APC: variants seen among roughly 807,000 people sequenced by gnomAD.
APC encodes APC regulator of Wnt signaling pathway.
Under a neutral mutation model 247.0 loss-of-function variants are expected in APC, and 72 were observed. That is an observed-to-expected ratio of 0.29 (90% confidence interval 0.24 to 0.35). APC has a LOEUF of 0.35. Ranked by LOEUF, APC falls within the 10% of genes least tolerant of loss-of-function variation. The pLI, the probability that APC is intolerant of heterozygous loss-of-function variation, is 1.00. For synonymous variants in APC, 1,254 were observed against 1,162.5 expected, an observed-to-expected ratio of 1.08 and a Z score of -1.60; for missense variants, 3,400 against 3,360.7, an observed-to-expected ratio of 1.01 and a Z score of -0.29.
At position 112,840,998 on chromosome 5, in the gene APC, G is replaced by A. The variant is rs756465306; in HGVS notation, c.5404G>A (p.Glu1802Lys). The A allele has an allele frequency of 1.9e-6, 3 of 1,612,042 alleles. No individual in the cohort carries two copies. The South Asian group carries it at 3.3e-5, about 18-fold the overall frequency. ...AGACTCAAAAAATAATTTAAATGCT[G>A]AGAGAGTTTTCTCAGACAACAAAGA... is the stretch of plus-strand genomic sequence containing the variant. ...NADSKNNLNAERVFSDNKDSK... is the reference protein window; with the variant it reads ...NADSKNNLNAKRVFSDNKDSK... The change falls in exon 16 of 16, where the codon GAG (glutamate) becomes AAG (lysine). Residue 1802 changes from glutamate to lysine, a missense_variant. Glu to Lys is a moderately conservative substitution (Grantham distance 56). Transcript: ENST00000257430. This position sits in a 1 kb window ranked among gnomAD's most constrained non-coding sequence, Gnocchi z 4.1.
intron 1 of APC, among the ~76,000 whole-genome samples, chr5:112,721,964 C>T: frequency 6.6e-6 from 1 of 152,084 alleles, no homozygotes; most frequent in East Asian, 1.9e-4. Context: ...CATCCTGGGC[C>T]ATGCAGCCCT....
rs1323895063 is a variant in APC, at chr5:112,838,433, T to C, written c.2839T>C (p.Cys947Arg). ...TAAGTCGGAAAATTCAAATAGGACA[T>C]GTTCTATGCCTTATGCCAAATTAGA... ...FTKSENSNRT[C>R]SMPYAKLEYK... Residue 947 changes from cysteine (C) to arginine (R), a missense_variant, in exon 16 of 16, where the codon TGT becomes CGT. Physicochemically the swap from Cys to Arg is radical, Grantham distance 180. Transcript: ENST00000257430. 1 of 1,614,104 alleles carries C rather than the reference T, an allele frequency of 6.2e-7. No individual in the cohort carries two copies. The highest frequency in any genetic ancestry group is 8.5e-7 in the Non-Finnish European group (1 of 1,180,046).
chr5:112,771,640 C>T (rs898176231), intron 4 of APC, among the ~76,000 whole-genome samples: 2 of 152,054 alleles, frequency 1.3e-5, no homozygotes, highest in African/African-American at 4.8e-5. Flanking sequence ...GCCATTTTTC[C>T]TCTTTGGAAG....
intron 8 of APC, among the ~76,000 whole-genome samples, chr5:112,811,493 CT>C (rs1761979458): frequency 6.6e-6 from 1 of 152,144 alleles, no homozygotes; most frequent in Non-Finnish European, 1.5e-5. Flanking sequence ...AAGTTCTAGG[CT>C]CATAGAGAAT....
In APC at chr5:112,801,313, A is replaced by C; in HGVS notation, c.764A>C (p.His255Pro). ...SSQNKHETGS[H>P]DAERQNEGQG... ...CAGAACAAGCATGAAACCGGCTCACATGATGCTGAGCGGCAGAATGAAGGT... is the reference window on the plus strand; with the variant it reads ...CAGAACAAGCATGAAACCGGCTCACCTGATGCTGAGCGGCAGAATGAAGGT... The change falls in exon 8 of 16, where the codon CAT becomes CCT. Residue 255 changes from histidine (H) to proline (P), a missense_variant. Coordinates refer to ENST00000257430, the MANE Select transcript of APC (RefSeq NM_000038.6). 6.2e-7 allele frequency: 1 copy of C among 1,613,100 alleles called. No homozygotes were observed. The highest frequency in any genetic ancestry group is 8.5e-7 in the Non-Finnish European group (1 of 1,179,262).
rs1554086499 is a variant in APC at position 112,840,775 on chromosome 5, C to T, written c.5181C>T (p.Cys1727=). 4 of 1,613,158 alleles carry T rather than the reference C, an allele frequency of 2.5e-6. No homozygotes were observed. In the African/African-American group the frequency reaches 5.3e-5, roughly 22 times the overall value. ...AGGAAGGTGATATTCTTGCAGAATG[C>T]ATTAATTCTGCTATGCCCAAAGGGA... ...KAEEGDILAE[C]INSAMPKGKS... Residue 1727 remains cysteine (C), a synonymous_variant, in exon 16 of 16, where the codon TGC becomes TGT. Coordinates refer to ENST00000257430, the MANE Select transcript of APC (RefSeq NM_000038.6). This position sits in a 1 kb window ranked among gnomAD's most constrained non-coding sequence, Gnocchi z 4.1.
Position 112,838,599 on chromosome 5 carries a change from C to G in APC, c.3005C>G (p.Ala1002Gly), listed in dbSNP as rs765076015. The change falls in exon 16 of 16, where the codon GCC becomes GGC. Residue 1002 changes from alanine to glycine, a missense_variant. Physicochemically the swap from Ala to Gly is moderately conservative, Grantham distance 60. Coordinates refer to ENST00000257430, the MANE Select transcript of APC (RefSeq NM_000038.6). ...SKFCSYGQYPADLAHKIHSAN... is the reference protein window; with the variant it reads ...SKFCSYGQYPGDLAHKIHSAN... ...TTTTGCAGTTATGGTCAATACCCAG[C>G]CGACCTAGCCCATAAAATACATAGT... 2 of 1,614,074 alleles carry G rather than the reference C, an allele frequency of 1.2e-6. No individual in the cohort carries two copies. Among genetic ancestry groups the G allele is most frequent in the Non-Finnish European group, 1.7e-6 (2 of 1,180,012 alleles).
At chr5:112,824,159 C>CGTA (rs1763415747) in intron 11 of APC, among the ~76,000 whole-genome samples, 1 of 152,164 alleles carries the variant, frequency 6.6e-6, no homozygotes, top group Non-Finnish European at 1.5e-5. Flanking sequence ...GGTAGTTTTA[C>CGTA]CCTATTGGGC....
intron 15 of APC, 132 bp downstream of exon 15, chr5:112,835,297 TACTA>T (rs1242277823): frequency 1.5e-5 from 12 of 796,410 alleles, no homozygotes; most frequent in Admixed American, 1.3e-4. Flanking sequence ...AAAAGATAAC[TACTA>T]ACTCTTAGTT....
At chr5:112,732,137 G>A (rs1482280284) in intron 1 of APC, among the ~76,000 whole-genome samples, 3 of 152,152 alleles carry the variant, frequency 2.0e-5, no homozygotes, top group Non-Finnish European at 2.9e-5. Context: ...GCAAGATACC[G>A]GGAAAGCTTT....
At position 112,764,046 on chromosome 5, in the gene APC, G is replaced by A. The variant is rs571308967; in HGVS notation, c.136-2280G>A. Among the ~76,000 whole-genome samples the A allele has an allele frequency of 1.3e-4, 20 of 150,996 alleles. No homozygotes were observed. The South Asian group carries it at 3.2e-3, about 24-fold the overall frequency. On this transcript the variant is annotated intron_variant, in intron 2 of 15. Transcript: ENST00000257430. Reference sequence around the variant, plus strand: ...ATGTCAGGAGATCGAGACCATCCTGGCTAACACGGTGAAACCCCGTCTCTA... The same window carrying A: ...ATGTCAGGAGATCGAGACCATCCTGACTAACACGGTGAAACCCCGTCTCTA...
intron 7 of APC, among the ~76,000 whole-genome samples, chr5:112,795,051 G>C (rs532649665): frequency 2.6e-5 from 4 of 152,266 alleles, no homozygotes; most frequent in African/African-American, 7.2e-5. Flanking sequence ...GTTTGAGACA[G>C]AGTCTCGCTC....
chr5:112,827,044 A>G, intron 11 of APC, 64 bp from the exon 12 acceptor site: 1 of 1,552,922 alleles, frequency 6.4e-7, no homozygotes, highest in South Asian at 1.1e-5. Flanking sequence ...TTAAGTTACC[A>G]ACTTGGTACC....
At chr5:112,749,462 TA>T (rs1754049666) in intron 1 of APC, among the ~76,000 whole-genome samples, 1 of 150,784 alleles carries the variant, frequency 6.6e-6, no homozygotes, top group Non-Finnish European at 1.5e-5. Flanking sequence ...GGAAAGATAT[TA>T]ATACTTACTG....
chr5:112,840,810 A>T lies in APC; in HGVS notation c.5216A>T (p.Lys1739Met), dbSNP rs769558291. ...NSAMPKGKSH[K>M]PFRVKKIMDQ... The stretch of plus-strand genomic sequence containing the variant: ...GCTATGCCCAAAGGGAAAAGTCACA[A>T]GCCTTTCCGTGTGAAAAAGATAATG... The change falls in exon 16 of 16, where the codon AAG becomes ATG. Residue 1739 changes from lysine to methionine, a missense_variant. Physicochemically the swap from Lys to Met is moderately conservative, Grantham distance 95. This residue lies in a region of APC where 1,788 missense variants were observed against 1,649.5 expected (regional missense o/e 1.08). Transcript: ENST00000257430. This position sits in a 1 kb window ranked among gnomAD's most constrained non-coding sequence, Gnocchi z 4.1. The T allele has an allele frequency of 1.2e-6, 2 of 1,614,044 alleles. No individual in the cohort carries two copies. The highest frequency in any genetic ancestry group is 1.7e-5 in the Admixed American group (1 of 60,000).
At position 112,835,160 on chromosome 5, in the gene APC, C is replaced by A. The variant is rs765308810; in HGVS notation, c.1953C>A (p.Asp651Glu). Residue 651 changes from aspartate to glutamate, a missense_variant, in exon 15 of 16, where the codon GAC becomes GAA. By Grantham distance (45) the Asp-to-Glu change is conservative. Coordinates refer to ENST00000257430, the MANE Select transcript of APC (RefSeq NM_000038.6). The part of the protein sequence containing the change: ...NVSSLIATNE[D>E]HRQILRENNC... Reference sequence around the variant, plus strand: ...CCAGCTTGATAGCTACAAATGAGGACCACAGGTATATATAGAGTTTTATAT... The same window carrying A: ...CCAGCTTGATAGCTACAAATGAGGAACACAGGTATATATAGAGTTTTATAT... The A allele has an allele frequency of 1.1e-5, 17 of 1,612,210 alleles. No homozygotes were observed. Among genetic ancestry groups the A allele is most frequent in the Non-Finnish European group, 8.5e-7 (1 of 1,178,662 alleles).
intron 1 of APC, among the ~76,000 whole-genome samples, chr5:112,739,702 C>CA (rs1403446125): frequency 6.6e-5 from 10 of 151,382 alleles, no homozygotes; most frequent in South Asian, 2.1e-4. Context: ...GACCCTATCT[C>CA]AAAAAAAAGT....
At chr5:112,778,893 C>T (rs1758016550) in intron 5 of APC, among the ~76,000 whole-genome samples, 1 of 152,204 alleles carries the variant, frequency 6.6e-6, no homozygotes, top group Non-Finnish European at 1.5e-5. Flanking sequence ...AACGTACTCT[C>T]TTAGCTTAGA....
rs748342378 is a variant in APC at position 112,839,926 on chromosome 5, A to C, written c.4332A>C (p.Gln1444His). 2 of 1,614,034 alleles carry C rather than the reference A, an allele frequency of 1.2e-6. No individual in the cohort carries two copies. The highest frequency in any genetic ancestry group is 8.5e-7 in the Non-Finnish European group (1 of 1,179,990). ...SRSKTPPPPP[Q>H]TAQTKREVPK... Reference sequence around the variant, plus strand: ...GTAAAACACCTCCACCACCTCCTCAAACAGCTCAAACCAAGCGAGAAGTAC... The same window carrying C: ...GTAAAACACCTCCACCACCTCCTCACACAGCTCAAACCAAGCGAGAAGTAC... Residue 1444 changes from glutamine to histidine, a missense_variant, in exon 16 of 16, where the codon CAA becomes CAC. Physicochemically the swap from Gln to His is conservative, Grantham distance 24. Transcript: ENST00000257430. This position sits in a 1 kb window ranked among gnomAD's most constrained non-coding sequence, Gnocchi z 5.0.
Sources: gnomAD v4.1 joint callset for allele counts (sites outside exome capture counted in the v4.1 genomes callset) on GRCh38, gnomAD v4.1.1 for gene constraint, gnomAD v4.1.1 regional missense constraint, Gnocchi (gnomAD v3.1) non-coding constraint, MANE v1.5 for transcripts, NCBI Gene and HGNC (gene_info 2026-07-23, HGNC 2026-07-21) for gene names.